HEATR1: variants seen among roughly 807,000 people sequenced by gnomAD.
HEATR1 encodes the protein HEAT repeat-containing protein 1.
In HEATR1, 77 loss-of-function variants were observed where a neutral mutation model predicts 248.2. The observed-to-expected ratio is 0.31, with a 90% CI of 0.26 to 0.37. The LOEUF is 0.37. Among genes scored for constraint, HEATR1 ranks in the 10% least tolerant of loss-of-function variants. The pLI, the probability that HEATR1 is intolerant of heterozygous loss-of-function variation, is 1.00. For synonymous variants in HEATR1, 897 were observed against 923.1 expected (o/e 0.97, Z 0.51); for missense variants, 2,420 against 2,504.9 (o/e 0.97, Z 0.72).
At chr1:236,556,824 G>A (rs1662991335) in intron 37 of HEATR1, among the ~76,000 whole-genome samples, 1 of 152,126 alleles carries the variant, frequency 6.6e-6, no homozygotes, top group South Asian at 2.1e-4. Context: ...TGCTTTGCAA[G>A]ATGCCTTAGG....
intron 28 of HEATR1, 129 bp downstream of exon 28, chr1:236,571,220 TGA>T (rs1663415894): frequency 1.8e-6 from 2 of 1,115,460 alleles, no homozygotes; most frequent in South Asian, 1.8e-5. Context: ...GAGGCAGGGC[TGA>T]GAGTCTCACC....
At chr1:236,554,305 T>C (rs1662875258) in intron 42 of HEATR1, among the ~76,000 whole-genome samples, 2 of 152,086 alleles carry the variant, frequency 1.3e-5, no homozygotes, top group African/African-American at 4.8e-5. Context: ...GGCACAAGAA[T>C]TGCTTGAAAC....
chr1:236,601,854 G>A (rs1006176690), intron 3 of HEATR1, among the ~76,000 whole-genome samples: 5 of 151,100 alleles, frequency 3.3e-5, no homozygotes, highest in African/African-American at 1.2e-4. Context: ...AAAGACAGCC[G>A]TGTGCAGTGG....
intron 22 of HEATR1, 121 bp from the exon 23 acceptor site, chr1:236,575,024 G>A: frequency 1.1e-6 from 1 of 870,984 alleles, no homozygotes; most frequent in Non-Finnish European, 1.7e-6. Flanking sequence ...AAAACCCAAT[G>A]ATGGTAACTT....
Position 236,552,028 on chromosome 1 carries a change from G to A in HEATR1, c.6317C>T (p.Ser2106Phe), listed in dbSNP as rs770323233. Residue 2106 changes from serine (S) to phenylalanine (F), a missense_variant, in exon 44 of 45, where the codon TCC (serine) becomes TTC (phenylalanine). Transcript: ENST00000366582. ...KENYIVLLPE[S>F]IPFLAELMED... The stretch of plus-strand genomic sequence containing the variant: ...CATCAACTCTGCTAAGAAAGGAATG[G>A]ATTCTGGTAGCAAGACAATATAATT... The A allele has an allele frequency of 3.1e-6, 5 of 1,612,108 alleles. No individual in the cohort carries two copies. The highest frequency in any genetic ancestry group is 4.2e-6 in the Non-Finnish European group (5 of 1,178,342).
At position 236,592,071 on chromosome 1, in the gene HEATR1, T is replaced by C. The variant is rs370573530; in HGVS notation, c.1344A>G (p.Leu448=). ...RTLDVVLEEH[L]KEIADLKKQE... ...GTTTTTTCAGATCTGCAATTTCCTT[T>C]AAGTGTTCCTCTAATACAACATCTA... The change falls in exon 11 of 45, where the codon TTA becomes TTG. Residue 448 remains leucine, a synonymous_variant. Coordinates refer to ENST00000366582, the MANE Select transcript of HEATR1 (RefSeq NM_018072.6). 7.8e-5 allele frequency: 125 copies of C among 1,607,724 alleles called. 2 individuals are homozygous for C. The highest frequency in any genetic ancestry group is 1.7e-4 in the Middle Eastern group (1 of 6,060).
In HEATR1 at chr1:236,592,629, G is replaced by C; in HGVS notation, c.1198C>G (p.Leu400Val). ...CTATATGAAATATACTCTTCAAATA[G>C]AAGGCTGTAAAAAAAAAAACAGAAA... is the stretch of plus-strand genomic sequence containing the variant. ...NNLDHLLASL[L>V]FEEYISYSSQ... Residue 400 changes from leucine to valine, a missense_variant, in exon 10 of 45, where the codon CTA (leucine) becomes GTA (valine). Leu to Val is a conservative substitution (Grantham distance 32, BLOSUM62 1). Coordinates refer to ENST00000366582, the MANE Select transcript of HEATR1 (RefSeq NM_018072.6). 1.6e-6 allele frequency: 2 copies of C among 1,262,762 alleles called. No homozygotes were observed. The highest frequency in any genetic ancestry group is 2.2e-6 in the Non-Finnish European group (2 of 899,108). 78.2% of individuals were successfully genotyped at this position (1,262,762 alleles called of 1,614,324 possible).
intron 36 of HEATR1, 107 bp from the exon 37 acceptor site, chr1:236,557,452 G>T: frequency 8.7e-7 from 1 of 1,142,906 alleles, no homozygotes; most frequent in Non-Finnish European, 1.2e-6. Context: ...CTATTACATC[G>T]CTATCTGCTT....
At chr1:236,591,335 A>T (rs1215079486) in intron 11 of HEATR1, among the ~76,000 whole-genome samples, 1 of 152,212 alleles carries the variant, frequency 6.6e-6, no homozygotes, top group African/African-American at 2.4e-5. Flanking sequence ...GTGACACTCA[A>T]ATTCGTGACA....
intron 20 of HEATR1, among the ~76,000 whole-genome samples, chr1:236,580,191 T>C (rs76828280): frequency 0.025 from 3,742 of 152,348 alleles, 127 homozygotes; most frequent in East Asian, 0.14. Context: ...TTTGCAAAAT[T>C]TGCAATTCTA....
chr1:236,578,288 T>A (rs1004289633), intron 20 of HEATR1, among the ~76,000 whole-genome samples: 1 of 152,228 alleles, frequency 6.6e-6, no homozygotes, highest in African/African-American at 2.4e-5. Context: ...CACATAACCA[T>A]CTCACAGATC....
At chr1:236,595,432 C>A (rs1453016709) in intron 8 of HEATR1, 108 bp downstream of exon 8, 3 of 924,398 alleles carry the variant, frequency 3.2e-6, no homozygotes, top group Non-Finnish European at 4.7e-6. Flanking sequence ...ACAAGAACAA[C>A]TGGAAAACAG....
In HEATR1 at chr1:236,604,033, T is replaced by C. The variant is rs528420179; in HGVS notation, c.63A>G (p.Leu21=). 2 of 1,593,822 alleles carry C rather than the reference T, an allele frequency of 1.3e-6. No individual in the cohort carries two copies. The highest frequency in any genetic ancestry group is 1.1e-5 in the South Asian group (1 of 87,494). The change falls in exon 2 of 45, where the codon TTA becomes TTG. Residue 21 remains leucine, a synonymous_variant. Coordinates refer to ENST00000366582, the MANE Select transcript of HEATR1 (RefSeq NM_018072.6). ...LALPQSDASL[L]SRDEVASLLF... ...ACAAAGAAGCAACTTCATCTCTAGA[T>C]AAGAGGCTGGCATCACTTTGAGGGA...
Position 236,590,879 on chromosome 1 carries a change from T to C in HEATR1, c.1498A>G (p.Asn500Asp). 1 of 1,525,556 alleles carries C rather than the reference T, an allele frequency of 6.6e-7. No individual in the cohort carries two copies. The highest frequency in any genetic ancestry group is 1.4e-5 in the African/African-American group (1 of 72,630). 94.5% of individuals were successfully genotyped at this position (1,525,556 alleles called of 1,614,324 possible). A position where few individuals can be genotyped will look rare whatever the true frequency, so the allele number is the denominator to read the frequency against. Residue 500 changes from asparagine (N) to aspartate (D), a missense_variant, in exon 12 of 45, where the codon AAT (asparagine) becomes GAT (aspartate). By Grantham distance (23) the Asn-to-Asp change is conservative. Transcript: ENST00000366582. Reference protein sequence around the residue: ...PLAPVRILAMNHLKKIMKTSK... With the variant: ...PLAPVRILAMDHLKKIMKTSK... Reference sequence around the variant, plus strand: ...GTTTTCATGATCTTTTTCAAATGATTCATGGCCAGAATTCTCACAGGAGCA... The same window carrying C: ...GTTTTCATGATCTTTTTCAAATGATCCATGGCCAGAATTCTCACAGGAGCA...
chr1:236,562,527 G>A (rs1029324660), intron 32 of HEATR1, among the ~76,000 whole-genome samples: 1 of 152,156 alleles, frequency 6.6e-6, no homozygotes, highest in Non-Finnish European at 1.5e-5. Context: ...ATCACCTGCT[G>A]CACCTCTTAC....
chr1:236,596,146 A>G (rs1664172371), intron 6 of HEATR1, 102 bp from the exon 7 acceptor site: 1 of 822,070 alleles, frequency 1.2e-6, no homozygotes, highest in East Asian at 2.7e-5. Context: ...GATTAATACA[A>G]CCTAATGCAT....
chr1:236,572,343 G>T, intron 26 of HEATR1, 68 bp downstream of exon 26: 1 of 1,469,714 alleles, frequency 6.8e-7, no homozygotes, highest in Non-Finnish European at 9.4e-7. Flanking sequence ...GTTGAAAAGA[G>T]AATGTTAGAT....
At chr1:236,556,889 G>C (rs1662993603) in intron 37 of HEATR1, among the ~76,000 whole-genome samples, 1 of 152,062 alleles carries the variant, frequency 6.6e-6, no homozygotes, top group Non-Finnish European at 1.5e-5. Context: ...GTAATAAAAG[G>C]CGGCTCTACC....
At chr1:236,561,153 C>A (rs1663120046) in intron 33 of HEATR1, 72 bp downstream of exon 33, 5 of 1,084,998 alleles carry the variant, frequency 4.6e-6, no homozygotes, top group Middle Eastern at 2.3e-4. Context: ...ATTTTCTGTA[C>A]TGTTTTTCCA....
Sources: gnomAD v4.1 joint callset for allele counts (sites outside exome capture counted in the v4.1 genomes callset) on GRCh38, gnomAD v4.1.1 for gene constraint, MANE v1.5 for transcripts, NCBI Gene and HGNC (gene_info 2026-07-23, HGNC 2026-07-21) for gene names.